Variants in CDH13 observed in about 807,000 individuals in gnomAD.
CDH13 encodes cadherin-13.
CDH13 carries 24 observed loss-of-function variants against 63.8 expected under a neutral mutation model. The ratio of observed to expected loss-of-function variants is 0.38; its 90% CI spans 0.27 to 0.53. The LOEUF (loss-of-function observed/expected upper bound fraction) is 0.53, where lower values mean the gene tolerates loss of function less well. Ranked by LOEUF, CDH13 falls within the 20% of genes least tolerant of loss-of-function variation. The pLI, the probability that CDH13 is intolerant of heterozygous loss-of-function variation, is 0.85. For synonymous variants in CDH13, 503 were observed against 355.3 expected (o/e 1.42, Z -4.67); for missense variants, 1,049 against 903.1 (o/e 1.16, Z -2.07).
At chr16:82,799,910 A>T (rs1460523591) in intron 1 of CDH13, among the ~76,000 whole-genome samples, 1 of 152,168 alleles carries the variant, frequency 6.6e-6, no homozygotes, top group Non-Finnish European at 1.5e-5. Flanking sequence ...AGAATTGGAC[A>T]ACGTATTGAC....
intron 6 of CDH13, among the ~76,000 whole-genome samples, chr16:83,443,713 AAAAAAAAAAAAAAAAAAAAAAAAT>A (rs1306892939): frequency 2.2e-4 from 20 of 91,884 alleles, no homozygotes; most frequent in South Asian, 7.3e-4. Flanking sequence ...ACGAAAAAAA[AAAAAAAAAAAAAAAAAAAAAAAAT>A]ATATATATAT....
At chr16:83,333,937 A>G (rs1021265763) in intron 5 of CDH13, among the ~76,000 whole-genome samples, 13 of 152,164 alleles carry the variant, frequency 8.5e-5, no homozygotes, top group Non-Finnish European at 2.9e-5. Context: ...AAACAACACA[A>G]ATCTTATCTT....
intron 2 of CDH13, among the ~76,000 whole-genome samples, chr16:82,992,491 A>G (rs549178196): frequency 1.3e-5 from 2 of 152,318 alleles, no homozygotes; most frequent in East Asian, 3.9e-4. Context: ...GTCAAGGGGC[A>G]GGGTGGGGAT....
chr16:83,575,008 T>A (rs1859111535), intron 7 of CDH13, among the ~76,000 whole-genome samples: 1 of 152,112 alleles, frequency 6.6e-6, no homozygotes, highest in African/African-American at 2.4e-5. Context: ...GCCCATCCAC[T>A]AATGAATTCA....
intron 2 of CDH13, among the ~76,000 whole-genome samples, chr16:82,880,113 G>A (rs1259003932): frequency 6.6e-6 from 1 of 151,452 alleles, no homozygotes; most frequent in African/African-American, 2.4e-5. Context: ...TTTGAGCCAT[G>A]TGAGCAAATG....
chr16:83,256,868 A>T (rs1346775431), intron 5 of CDH13, among the ~76,000 whole-genome samples: 1 of 132,990 alleles, frequency 7.5e-6, no homozygotes, highest in Non-Finnish European at 1.6e-5. Context: ...AAAAAAAAAA[A>T]TAGTTCCCAG....
chr16:83,778,039 T>G (rs1297840242), intron 11 of CDH13, among the ~76,000 whole-genome samples: 5 of 152,238 alleles, frequency 3.3e-5, no homozygotes, highest in Non-Finnish European at 5.9e-5. Flanking sequence ...CAAATTATTT[T>G]GGGAATAAGG....
At chr16:83,005,901 G>A (rs1273399764) in intron 2 of CDH13, among the ~76,000 whole-genome samples, 1 of 152,212 alleles carries the variant, frequency 6.6e-6, no homozygotes, top group Non-Finnish European at 1.5e-5. Flanking sequence ...TCAGATAGCA[G>A]ACATTAAAAG....
intron 4 of CDH13, among the ~76,000 whole-genome samples, chr16:83,129,438 G>C (rs2035952345): frequency 6.6e-6 from 1 of 152,204 alleles, no homozygotes; most frequent in East Asian, 1.9e-4. Context: ...TTGTAATAAA[G>C]TAAGGGAGAG....
intron 5 of CDH13, among the ~76,000 whole-genome samples, chr16:83,236,033 G>A (rs147168238): frequency 7.9e-5 from 12 of 152,222 alleles, no homozygotes; most frequent in Non-Finnish European, 1.5e-4. Context: ...ATTTAAATGC[G>A]TTTAAGATAT....
At chr16:82,988,739 G>A (rs1481631396) in intron 2 of CDH13, among the ~76,000 whole-genome samples, 1 of 148,986 alleles carries the variant, frequency 6.7e-6, no homozygotes, top group Non-Finnish European at 1.5e-5. Flanking sequence ...TCCAGCCTGG[G>A]AGACAGAGTG....
intron 6 of CDH13, among the ~76,000 whole-genome samples, chr16:83,385,898 A>C (rs536332890): frequency 6.6e-6 from 1 of 152,350 alleles, no homozygotes; most frequent in East Asian, 1.9e-4. Flanking sequence ...GTCTGATCCC[A>C]TCTGAAGCTA....
At chr16:82,794,315 C>T (rs910769946) in intron 1 of CDH13, among the ~76,000 whole-genome samples, 7 of 139,932 alleles carry the variant, frequency 5.0e-5, no homozygotes, top group African/African-American at 1.2e-4. Context: ...TCTACAAACT[C>T]GCCAGCTCTG....
At chr16:82,786,103 A>G (rs1044076307) in intron 1 of CDH13, among the ~76,000 whole-genome samples, 1 of 152,098 alleles carries the variant, frequency 6.6e-6, no homozygotes, top group Non-Finnish European at 1.5e-5. Context: ...TGAGCAAGTG[A>G]TCAGAATGAG....
rs766053375 is a variant in CDH13 at position 83,211,750 on chromosome 16, G to A, written c.484-5595G>A. The stretch of plus-strand genomic sequence containing the variant: ...AAGACACTGGTCCCAGCTATGCGAC[G>A]CCCACCTCCCCCCCCCAAACAGCCA... On this transcript the variant is annotated intron_variant, in intron 4 of 13. Coordinates refer to ENST00000567109, the MANE Select transcript of CDH13 (RefSeq NM_001257.5). Among the ~76,000 whole-genome samples the A allele has an allele frequency of 2.0e-3, 286 of 144,688 alleles. 2 individuals carry two copies. The highest frequency in any genetic ancestry group is 3.2e-3 in the Admixed American group (49 of 15,128). The allele number at this position is 144,688 out of a possible 152,430, so 94.9% of individuals were successfully genotyped here. A position where few individuals can be genotyped will look rare whatever the true frequency, so the allele number is the denominator to read the frequency against.
intron 2 of CDH13, among the ~76,000 whole-genome samples, chr16:82,896,402 C>T: frequency 6.7e-6 from 1 of 150,128 alleles, no homozygotes; most frequent in East Asian, 2.0e-4. Flanking sequence ...AGTAATCCTC[C>T]CACCTCTCAT....
chr16:83,635,460 C>T (rs1383431109), intron 8 of CDH13, among the ~76,000 whole-genome samples: 3 of 149,240 alleles, frequency 2.0e-5, no homozygotes, highest in Non-Finnish European at 4.4e-5. Flanking sequence ...TCTCCTGCCT[C>T]AGCCTCCCGA....
intron 1 of CDH13, among the ~76,000 whole-genome samples, chr16:82,803,460 GT>G (rs55792613): frequency 0.21 from 31,953 of 151,868 alleles, 4,116 homozygotes; most frequent in South Asian, 0.36. Flanking sequence ...CTCAGACTCA[GT>G]TTTTTTTGTA....
intron 5 of CDH13, among the ~76,000 whole-genome samples, chr16:83,230,940 C>A (rs377499539): frequency 6.6e-6 from 1 of 152,218 alleles, no homozygotes; most frequent in Non-Finnish European, 1.5e-5. Flanking sequence ...GTGAACCAAG[C>A]ATATGCCGGG....
Sources: allele counts gnomAD v4.1 joint callset (sites outside exome capture counted in the v4.1 genomes callset), GRCh38; gene constraint gnomAD v4.1.1; transcripts MANE v1.5; gene names NCBI Gene and HGNC (gene_info 2026-07-23, HGNC 2026-07-21).